The following PTK2B variants were observed in gnomAD, a reference collection of about 807,000 sequenced individuals.
PTK2B encodes the protein protein-tyrosine kinase 2-beta.
Under a neutral mutation model 142.9 loss-of-function variants are expected in PTK2B, and 71 were observed. That is an observed-to-expected ratio of 0.50 (90% CI 0.41 to 0.61). The LOEUF (loss-of-function observed/expected upper bound fraction) is 0.61. Among genes scored for constraint, PTK2B ranks in the 20% least tolerant of loss-of-function variants. PTK2B has a pLI of 0.00. For missense variants in PTK2B, 1,105 were observed against 1,320.4 expected, an observed-to-expected ratio of 0.84 and a Z score of 2.53; for synonymous variants, 519 against 503.4, an observed-to-expected ratio of 1.03 and a Z score of -0.42.
chr8:27,397,315 C>T (rs1808111457), intron 1 of PTK2B: 5 of 496,350 alleles, frequency 1.0e-5, no homozygotes, highest in South Asian at 2.1e-5. Context: ...GAGCTCATAC[C>T]CCTGGGAGCC....
intron 4 of PTK2B, 129 bp from the exon 5 acceptor site, chr8:27,422,175 C>G: frequency 7.3e-6 from 6 of 824,910 alleles, no homozygotes; most frequent in Non-Finnish European, 1.1e-5. Context: ...CTGCTCCATG[C>G]TTGTTTGTGG....
At chr8:27,323,830 G>C (rs2130696618), upstream of PTK2B, among the ~76,000 whole-genome samples, 1 of 152,256 alleles carries the variant, frequency 6.6e-6, no homozygotes, top group South Asian at 2.1e-4. Flanking sequence ...TTTTTAAAGT[G>C]CTGAAGAATT....
chr8:27,432,231 G>C, intron 9 of PTK2B, 29 bp from the exon 10 acceptor site: 2 of 1,607,016 alleles, frequency 1.2e-6, no homozygotes, highest in African/African-American at 1.3e-5. Flanking sequence ...TAGTGGGATG[G>C]TCTGAAGCTC....
intron 30 of PTK2B, among the ~76,000 whole-genome samples, chr8:27,457,164 AGAG>A (rs1812187907): frequency 6.6e-6 from 1 of 152,254 alleles, no homozygotes; most frequent in African/African-American, 2.4e-5. Context: ...TTTCATAGCT[AGAG>A]GAGAAGTCAA....
chr8:27,423,915 C>T (rs952483454), intron 5 of PTK2B, among the ~76,000 whole-genome samples: 2 of 152,124 alleles, frequency 1.3e-5, no homozygotes, highest in Non-Finnish European at 2.9e-5. Context: ...CAGAGGAGGC[C>T]TGTGGTCCCT....
intron 2 of PTK2B, among the ~76,000 whole-genome samples, chr8:27,404,166 TCTC>T (rs1247983155): frequency 6.6e-6 from 1 of 152,092 alleles, no homozygotes; most frequent in African/African-American, 2.4e-5. Flanking sequence ...GGCCCTGCTC[TCTC>T]CTCTCCCTGC....
chr8:27,378,155 C>A (rs1312816959), intron 1 of PTK2B, among the ~76,000 whole-genome samples: 2 of 152,086 alleles, frequency 1.3e-5, no homozygotes, highest in East Asian at 1.9e-4. Context: ...TCTCCCTCAC[C>A]TTTTCTTCCC....
At chr8:27,365,331 G>A (rs1272380906) in intron 1 of PTK2B, among the ~76,000 whole-genome samples, 4 of 152,216 alleles carry the variant, frequency 2.6e-5, no homozygotes, top group African/African-American at 4.8e-5. Context: ...AAAGGTGTTT[G>A]TTGAATTGAT....
At chr8:27,450,202 C>A (rs1333317755) in intron 24 of PTK2B, among the ~76,000 whole-genome samples, 2 of 152,144 alleles carry the variant, frequency 1.3e-5, no homozygotes, top group Non-Finnish European at 2.9e-5. Context: ...CATGGACACA[C>A]GTGGGACTGC....
chr8:27,369,716 C>A (rs374509854), intron 1 of PTK2B, among the ~76,000 whole-genome samples: 1 of 138,110 alleles, frequency 7.2e-6, no homozygotes, highest in Non-Finnish European at 1.6e-5. Context: ...AGCTCATGCC[C>A]GTAATCCCAG....
chr8:27,362,809 C>T (rs1176924319), intron 1 of PTK2B, among the ~76,000 whole-genome samples: 1 of 151,106 alleles, frequency 6.6e-6, no homozygotes, highest in Non-Finnish European at 1.5e-5. Flanking sequence ...TCTAGAACTT[C>T]TCCCACACGA....
chr8:27,384,091 C>A (rs983122043), intron 1 of PTK2B, among the ~76,000 whole-genome samples: 1 of 151,770 alleles, frequency 6.6e-6, no homozygotes, highest in Non-Finnish European at 1.5e-5. Context: ...CTCAGGTGAT[C>A]CTCCTGCCTC....
intron 1 of PTK2B, among the ~76,000 whole-genome samples, chr8:27,327,803 C>T (rs1272822186): frequency 6.6e-6 from 1 of 152,226 alleles, no homozygotes; most frequent in Non-Finnish European, 1.5e-5. Context: ...CCTCAGAATC[C>T]TCTTTTCTGA....
chr8:27,327,852 A>G (rs1803512563), intron 1 of PTK2B, among the ~76,000 whole-genome samples: 1 of 152,168 alleles, frequency 6.6e-6, no homozygotes, highest in Admixed American at 6.5e-5. Context: ...GGTGGTTGGG[A>G]GGATCCCTGA....
At chr8:27,431,858 T>G (rs1563281685) in intron 9 of PTK2B, among the ~76,000 whole-genome samples, 1 of 152,226 alleles carries the variant, frequency 6.6e-6, no homozygotes, top group Non-Finnish European at 1.5e-5. Context: ...AGTCCTGGCT[T>G]TCTCTAGACC....
At chr8:27,440,911 C>A (rs901775215) in intron 21 of PTK2B, among the ~76,000 whole-genome samples, 2 of 152,004 alleles carry the variant, frequency 1.3e-5, no homozygotes, top group Non-Finnish European at 2.9e-5. Flanking sequence ...CCTGAGGGCC[C>A]GTCGGTGCCC....
At chr8:27,311,899 C>G (rs1394293523) in intron 1 of PTK2B, among the ~76,000 whole-genome samples, 2 of 152,120 alleles carry the variant, frequency 1.3e-5, no homozygotes, top group African/African-American at 4.8e-5. Context: ...GTGAACAGGT[C>G]ATCATGTTTC....
intron 28 of PTK2B, among the ~76,000 whole-genome samples, chr8:27,453,609 G>A (rs923358918): frequency 2.0e-5 from 3 of 152,230 alleles, no homozygotes; most frequent in African/African-American, 4.8e-5. Flanking sequence ...GCCAGGTGCC[G>A]TGGCTCACAC....
At chr8:27,426,774 G>A (rs1258617037) in intron 5 of PTK2B, among the ~76,000 whole-genome samples, 2 of 152,184 alleles carry the variant, frequency 1.3e-5, no homozygotes, top group Admixed American at 1.3e-4. Context: ...TGACCTTGAT[G>A]TGCTAGCTGA....
Sources: gnomAD v4.1 joint callset for allele counts (sites outside exome capture counted in the v4.1 genomes callset) on GRCh38, gnomAD v4.1.1 for gene constraint, MANE v1.5 for transcripts, NCBI Gene and HGNC (gene_info 2026-07-23, HGNC 2026-07-21) for gene names.